The following COL28A1 variants were observed in gnomAD, a reference collection of about 807,000 sequenced individuals.
COL28A1 encodes the protein collagen alpha-1(XXVIII) chain.
A neutral mutation model predicts 150.2 loss-of-function variants in COL28A1; 161 were observed. That is an observed-to-expected ratio of 1.07 (90% CI 0.94 to 1.22). COL28A1 has a LOEUF of 1.22. Ranked by LOEUF, COL28A1 falls within the 50% of genes most tolerant of loss-of-function variation. The pLI is 0.00. For missense variants in COL28A1, 1,617 were observed against 1,388.3 expected, an observed-to-expected ratio of 1.16 and a Z score of -2.62; for synonymous variants, 552 against 469.7, an observed-to-expected ratio of 1.18 and a Z score of -2.26.
intron 17 of COL28A1, 35 bp downstream of exon 17, chr7:7,453,405 G>C (rs199877837): frequency 8.8e-6 from 8 of 907,544 alleles, no homozygotes; most frequent in Admixed American, 8.5e-5. Context: ...TTATACTATA[G>C]ATATATTAAA....
chr7:7,464,682 A>G (rs1787920727), intron 15 of COL28A1, among the ~76,000 whole-genome samples: 1 of 152,272 alleles, frequency 6.6e-6, no homozygotes, highest in African/African-American at 2.4e-5. Context: ...AGGAAAGTTC[A>G]TAGCCCTAAA....
At chr7:7,536,770 T>C (rs183363739), upstream of COL28A1, among the ~76,000 whole-genome samples, 6 of 152,352 alleles carry the variant, frequency 3.9e-5, no homozygotes, top group African/African-American at 1.4e-4. Flanking sequence ...ATGAATTTCC[T>C]TATTACAGCA....
intron 3 of COL28A1, among the ~76,000 whole-genome samples, chr7:7,527,535 G>A (rs1408534114): frequency 6.6e-6 from 1 of 152,186 alleles, no homozygotes; most frequent in Non-Finnish European, 1.5e-5. Context: ...CAGAGCCGGA[G>A]GCCTTGGGAG....
chr7:7,437,321 C>T (rs886711793), intron 22 of COL28A1, 73 bp downstream of exon 22: 1 of 1,532,894 alleles, frequency 6.5e-7, no homozygotes, highest in African/African-American at 1.4e-5. Context: ...TTCTAGTTCA[C>T]TGGTATCATG....
rs1782381131 is a variant in COL28A1, at chr7:7,531,824, C to T, written c.205G>A (p.Asp69Asn). ...TTGTCACTCAAGCTATCCACAAAAT[C>T]TTTCTGTTTATCAAAGAGGGCAATT... ...SKIALFDKQK[D>N]FVDSLSDKIF... The change falls in exon 3 of 35, where the codon GAT becomes AAT. Residue 69 changes from aspartate (D) to asparagine (N), a missense_variant. Physicochemically the swap from Asp to Asn is conservative, Grantham distance 23. Coordinates refer to ENST00000399429, the MANE Select transcript of COL28A1 (RefSeq NM_001037763.3). The T allele has an allele frequency of 6.2e-7, 1 of 1,606,026 alleles. No homozygotes were observed. Among genetic ancestry groups the T allele is most frequent in the African/African-American group, 1.3e-5 (1 of 74,718 alleles).
At chr7:7,422,524 G>T (rs1312779008) in intron 25 of COL28A1, among the ~76,000 whole-genome samples, 1 of 152,086 alleles carries the variant, frequency 6.6e-6, no homozygotes, top group Non-Finnish European at 1.5e-5. Flanking sequence ...AGCTACTGGG[G>T]AGGCTGAGGC....
chr7:7,421,175 T>A (rs943397759), intron 25 of COL28A1, among the ~76,000 whole-genome samples: 1 of 152,150 alleles, frequency 6.6e-6, no homozygotes, highest in Non-Finnish European at 1.5e-5. Flanking sequence ...ATAACATGAA[T>A]GAACCTCAAA....
intron 33 of COL28A1, among the ~76,000 whole-genome samples, chr7:7,365,073 C>G (rs1417521330): frequency 6.6e-6 from 1 of 152,144 alleles, no homozygotes; most frequent in Non-Finnish European, 1.5e-5. Flanking sequence ...TTAACCAACA[C>G]AAACGACTGG....
chr7:7,482,544 T>A (rs889400211), intron 13 of COL28A1, among the ~76,000 whole-genome samples: 16 of 146,840 alleles, frequency 1.1e-4, no homozygotes, highest in Middle Eastern at 3.8e-3. Flanking sequence ...AAAAAAAAAA[T>A]TCACATCATT....
At chr7:7,365,194 G>A (rs150783416) in intron 33 of COL28A1, among the ~76,000 whole-genome samples, 5 of 49,810 alleles carry the variant, frequency 1.0e-4, no homozygotes, top group Non-Finnish European at 3.3e-4. Flanking sequence ...ATGAACAAAT[G>A]GAAACATTGG....
intron 33 of COL28A1, 27 bp downstream of exon 33, chr7:7,370,698 C>A (rs1781182632): frequency 1.9e-6 from 3 of 1,584,692 alleles, no homozygotes; most frequent in Non-Finnish European, 2.6e-6. Context: ...ATTTTAAGCT[C>A]ACAAAGTAAG....
In COL28A1 at chr7:7,385,444, G is replaced by A. The variant is rs142203351; in HGVS notation, c.2137-3832C>T. Among the ~76,000 whole-genome samples the A allele has an allele frequency of 3.3e-5, 5 of 152,316 alleles. No individual in the cohort carries two copies. The East Asian group carries it at 9.7e-4, about 29-fold the overall frequency. On this transcript the variant is annotated intron_variant, in intron 27 of 34. Coordinates refer to ENST00000399429, the MANE Select transcript of COL28A1 (RefSeq NM_001037763.3). ...TAAACAGAGGAGCTGAGACTGTGGT[G>A]TGATGGTGAATTATCGCTAGGAGTT...
At chr7:7,399,043 C>T (rs541671415) in intron 27 of COL28A1, among the ~76,000 whole-genome samples, 1 of 152,302 alleles carries the variant, frequency 6.6e-6, no homozygotes, top group East Asian at 1.9e-4. Flanking sequence ...ACAGTCTCAG[C>T]CCTGTCTCTT....
intron 7 of COL28A1, among the ~76,000 whole-genome samples, chr7:7,517,452 G>A (rs1307500454): frequency 6.6e-6 from 1 of 152,128 alleles, no homozygotes; most frequent in Non-Finnish European, 1.5e-5. Flanking sequence ...AGACCATGTA[G>A]TTCTTATGCT....
chr7:7,527,103 A>G (rs1782066592), intron 3 of COL28A1, among the ~76,000 whole-genome samples: 1 of 152,154 alleles, frequency 6.6e-6, no homozygotes, highest in African/African-American at 2.4e-5. Flanking sequence ...TAGCAATGCA[A>G]AAAACTATTT....
chr7:7,463,878 A>C (rs531677536), intron 15 of COL28A1, among the ~76,000 whole-genome samples: 1 of 152,206 alleles, frequency 6.6e-6, no homozygotes, highest in Admixed American at 6.5e-5. Context: ...TGCAGAATGG[A>C]TAAGAATTCA....
At chr7:7,457,554 T>C (rs963840278) in intron 15 of COL28A1, among the ~76,000 whole-genome samples, 1 of 152,150 alleles carries the variant, frequency 6.6e-6, no homozygotes, top group Non-Finnish European at 1.5e-5. Context: ...GGGAGAGGCC[T>C]GGGATGAGAA....
chr7:7,446,690 G>C (rs1786288496), intron 18 of COL28A1, among the ~76,000 whole-genome samples: 1 of 152,154 alleles, frequency 6.6e-6, no homozygotes, highest in African/African-American at 2.4e-5. Context: ...CTCCCTATGA[G>C]ACATAGCACA....
chr7:7,515,707 G>T, intron 8 of COL28A1, 107 bp downstream of exon 8: 2 of 740,634 alleles, frequency 2.7e-6, no homozygotes, highest in South Asian at 3.1e-5. Context: ...AGGGAATCCA[G>T]ACTTACAAAA....
Sources: gnomAD v4.1 joint callset for allele counts (sites outside exome capture counted in the v4.1 genomes callset) on GRCh38, gnomAD v4.1.1 for gene constraint, MANE v1.5 for transcripts, NCBI Gene and HGNC (gene_info 2026-07-23, HGNC 2026-07-21) for gene names.